NALF1: variants seen among roughly 807,000 people sequenced by gnomAD.
The protein encoded by NALF1 is family with sequence similarity 155 member A.
In NALF1, 3 loss-of-function variants were observed where a neutral mutation model predicts 48.4. The observed-to-expected ratio is 0.06, with a 90% CI of 0.03 to 0.16. The LOEUF is 0.16. Among genes scored for constraint, NALF1 ranks in the 10% least tolerant of loss-of-function variants. NALF1 has a pLI of 1.00. For missense variants in NALF1, 526 were observed against 571.5 expected (o/e 0.92, Z 0.81); for synonymous variants, 262 against 245.7 (o/e 1.07, Z -0.62).
intron 1 of NALF1, among the ~76,000 whole-genome samples, chr13:107,549,504 T>C (rs1378176866): frequency 1.3e-5 from 2 of 152,186 alleles, no homozygotes; most frequent in Non-Finnish European, 2.9e-5. Flanking sequence ...TTTGAAGACA[T>C]GTATCTTCCA....
intron 1 of NALF1, among the ~76,000 whole-genome samples, chr13:107,589,150 G>A (rs913247551): frequency 6.6e-6 from 1 of 151,912 alleles, no homozygotes; most frequent in Non-Finnish European, 1.5e-5. Context: ...ACCAATTTAC[G>A]AATTATCCAA....
At chr13:107,579,586 C>CTTTCT (rs113622994) in intron 1 of NALF1, among the ~76,000 whole-genome samples, 148,338 of 150,792 alleles carry the variant, frequency 0.98, 73,005 homozygotes, top group Middle Eastern at 1. Context: ...AGTCTGATGC[C>CTTTCT]TTTCTTTTCT....
intron 1 of NALF1, among the ~76,000 whole-genome samples, chr13:107,630,803 T>C (rs914227094): frequency 6.6e-6 from 1 of 152,078 alleles, no homozygotes; most frequent in Non-Finnish European, 1.5e-5. Context: ...TCTTAGATGA[T>C]TGAAGATCAG....
At chr13:107,762,613 G>A (rs767465190) in intron 1 of NALF1, among the ~76,000 whole-genome samples, 7 of 152,032 alleles carry the variant, frequency 4.6e-5, no homozygotes, top group Non-Finnish European at 8.8e-5. Flanking sequence ...AAATCAAACA[G>A]GAGAGGAGGA....
intron 1 of NALF1, among the ~76,000 whole-genome samples, chr13:107,828,994 A>G (rs1174775658): frequency 1.3e-5 from 2 of 152,172 alleles, no homozygotes; most frequent in Admixed American, 1.3e-4. Context: ...AAGTTCAATA[A>G]AACCTGTATC....
At position 107,497,786 on chromosome 13, in the gene NALF1, T is replaced by A. The variant is rs546730149; in HGVS notation, c.916-287031A>T. 3.9e-5 allele frequency among the ~76,000 whole-genome samples: 6 copies of A among 152,328 alleles called. 1 individual carries two copies. Among genetic ancestry groups the A allele is most frequent in the African/African-American group, 1.4e-4 (6 of 41,582 alleles). ...AAGCCCTGCCTCGTGTAACTTCATA[T>A]GCTTACAGCTCCTCTGGTAGACGGA... is the stretch of plus-strand genomic sequence containing the variant. On this transcript the variant is annotated intron_variant, in intron 1 of 2. Transcript: ENST00000375915.
At chr13:107,815,864 G>A (rs1378249655) in intron 1 of NALF1, among the ~76,000 whole-genome samples, 1 of 152,104 alleles carries the variant, frequency 6.6e-6, no homozygotes, top group African/African-American at 2.4e-5. Context: ...GAAACATCAA[G>A]GAGTCAGTCA....
chr13:107,495,163 G>A (rs985736509), intron 1 of NALF1, among the ~76,000 whole-genome samples: 15 of 152,142 alleles, frequency 9.9e-5, no homozygotes, highest in Non-Finnish European at 1.8e-4. Flanking sequence ...TTGAACAAAA[G>A]GGAAAATTTT....
chr13:107,393,141 C>T (rs892517066), intron 1 of NALF1, among the ~76,000 whole-genome samples: 12 of 152,030 alleles, frequency 7.9e-5, no homozygotes, highest in South Asian at 6.2e-4. Flanking sequence ...CTGTTATCCA[C>T]GCTAACTAAA....
chr13:107,806,718 C>A (rs1878801549), intron 1 of NALF1, among the ~76,000 whole-genome samples: 2 of 152,154 alleles, frequency 1.3e-5, no homozygotes, highest in Non-Finnish European at 2.9e-5. Flanking sequence ...AAACTGAAAT[C>A]TTTGCATTTT....
At chr13:107,297,217 G>A (rs1295060802) in intron 1 of NALF1, among the ~76,000 whole-genome samples, 2 of 152,102 alleles carry the variant, frequency 1.3e-5, no homozygotes, top group Non-Finnish European at 1.5e-5. Context: ...GGTAGGCTCT[G>A]TGGGAAAAGG....
chr13:107,370,717 CTG>C (rs1436803139), intron 1 of NALF1, among the ~76,000 whole-genome samples: 1 of 152,142 alleles, frequency 6.6e-6, no homozygotes, highest in African/African-American at 2.4e-5. Context: ...AAAAACATAA[CTG>C]AGACTGGATA....
At chr13:107,804,458 G>GTCCTA (rs1370645709) in intron 1 of NALF1, among the ~76,000 whole-genome samples, 1 of 133,286 alleles carries the variant, frequency 7.5e-6, no homozygotes, top group Non-Finnish European at 1.6e-5. Context: ...ATAAACATGT[G>GTCCTA]TCCTATCCTC....
At chr13:107,452,552 T>C (rs1406821195) in intron 1 of NALF1, among the ~76,000 whole-genome samples, 1 of 152,150 alleles carries the variant, frequency 6.6e-6, no homozygotes, top group East Asian at 1.9e-4. Flanking sequence ...CCACCTGGTC[T>C]CTACCTGGAC....
intron 1 of NALF1, among the ~76,000 whole-genome samples, chr13:107,865,403 C>T (rs561481219): frequency 4.3e-4 from 65 of 152,190 alleles, no homozygotes; most frequent in Non-Finnish European, 6.6e-4. Context: ...GAGCCAACTG[C>T]ATGAATGTAA....
At chr13:107,800,284 T>C (rs2138595717) in intron 1 of NALF1, among the ~76,000 whole-genome samples, 1 of 152,290 alleles carries the variant, frequency 6.6e-6, no homozygotes, top group African/African-American at 2.4e-5. Flanking sequence ...TTGAAGATAC[T>C]TTACTTGCAA....
At chr13:107,583,735 T>C (rs919935551) in intron 1 of NALF1, among the ~76,000 whole-genome samples, 12 of 152,186 alleles carry the variant, frequency 7.9e-5, no homozygotes, top group Admixed American at 4.6e-4. Flanking sequence ...CCAAGGACTA[T>C]TACAAAGAGT....
At chr13:107,515,613 A>G (rs1159586306) in intron 1 of NALF1, among the ~76,000 whole-genome samples, 1 of 152,210 alleles carries the variant, frequency 6.6e-6, no homozygotes, top group Admixed American at 6.5e-5. Context: ...ACTAATAATA[A>G]CCAGGTATTC....
chr13:107,497,180 A>T (rs1875365332), intron 1 of NALF1, among the ~76,000 whole-genome samples: 1 of 152,222 alleles, frequency 6.6e-6, no homozygotes, highest in South Asian at 2.1e-4. Context: ...AAGGTTTAAC[A>T]AGAAGTTAAA....
Sources: allele counts gnomAD v4.1 joint callset (sites outside exome capture counted in the v4.1 genomes callset), GRCh38; gene constraint gnomAD v4.1.1; transcripts MANE v1.5; gene names NCBI Gene and HGNC (gene_info 2026-07-23, HGNC 2026-07-21).